BABAM2: variants seen among roughly 807,000 people sequenced by gnomAD.
BABAM2 encodes BRISC and BRCA1-A complex member 2.
BABAM2 carries 31 observed loss-of-function variants against 54.7 expected under a neutral mutation model. The observed-to-expected ratio is 0.57, with a 90% CI of 0.43 to 0.77. BABAM2 has a LOEUF of 0.77. BABAM2 is among the 30% of genes least tolerant of loss of function. The probability of loss-of-function intolerance (pLI) is 0.00; values close to 1 mark genes in which losing one functional copy is unlikely to be tolerated. For missense variants in BABAM2, 364 were observed against 455.8 expected, an observed-to-expected ratio of 0.80 and a Z score of 1.83; for synonymous variants, 167 against 162.9, an observed-to-expected ratio of 1.03 and a Z score of -0.19.
chr2:28,036,160 T>C (rs763435855), intron 5 of BABAM2, among the ~76,000 whole-genome samples: 8 of 152,152 alleles, frequency 5.3e-5, no homozygotes, highest in Non-Finnish European at 7.4e-5. Context: ...CACAGTGTTA[T>C]CGCCATGAAG....
At chr2:28,295,966 G>A (rs1208799319) in intron 10 of BABAM2, among the ~76,000 whole-genome samples, 8 of 152,196 alleles carry the variant, frequency 5.3e-5, no homozygotes, top group South Asian at 4.1e-4. Flanking sequence ...AAAATTAGCC[G>A]AACGTGGTGG....
At chr2:28,026,937 T>TAAATATATAA in intron 5 of BABAM2, among the ~76,000 whole-genome samples, 1 of 10,334 alleles carries the variant, frequency 9.7e-5, no homozygotes, top group African/African-American at 1.3e-4. Flanking sequence ...AATATATATA[T>TAAATATATAA]AAATATATAT....
intron 4 of BABAM2, among the ~76,000 whole-genome samples, chr2:27,991,743 G>A (rs969761803): frequency 2.0e-5 from 3 of 152,136 alleles, no homozygotes; most frequent in Non-Finnish European, 4.4e-5. Context: ...TGCCAAATAC[G>A]ATTACATCGT....
At position 28,298,357 on chromosome 2, in the gene BABAM2, C is replaced by T. The variant is rs554312395; in HGVS notation, c.954C>T (p.Phe318=). ...TTGCAGTTGACCTGCCTCTGTTTTTCCCTCGAGACCAGCCAACTCTCACAT... is the reference window on the plus strand; with the variant it reads ...TTGCAGTTGACCTGCCTCTGTTTTTTCCTCGAGACCAGCCAACTCTCACAT... The part of the protein sequence containing the change: ...FLVHIDLPLF[F]PRDQPTLTFQ... Residue 318 remains phenylalanine (F), a synonymous_variant, in exon 11 of 12, where the codon TTC becomes TTT. Transcript: ENST00000379624. The T allele has an allele frequency of 2.5e-6, 4 of 1,613,660 alleles. No individual in the cohort carries two copies. The highest frequency in any genetic ancestry group is 2.7e-5 in the African/African-American group (2 of 74,960).
intron 3 of BABAM2, among the ~76,000 whole-genome samples, chr2:27,986,114 G>T (rs995632370): frequency 6.6e-6 from 1 of 152,070 alleles, no homozygotes; most frequent in Non-Finnish European, 1.5e-5. Flanking sequence ...GAAAAGACAG[G>T]CTTGTAGATA....
chr2:27,899,451 T>G (rs1665601954), intron 2 of BABAM2, among the ~76,000 whole-genome samples: 1 of 151,278 alleles, frequency 6.6e-6, no homozygotes, highest in African/African-American at 2.4e-5. Context: ...GATGACAAAT[T>G]TGAAATGAAT....
chr2:28,239,247 G>T (rs1443530783), intron 8 of BABAM2, among the ~76,000 whole-genome samples: 3 of 152,162 alleles, frequency 2.0e-5, no homozygotes, highest in Admixed American at 6.5e-5. Flanking sequence ...TATATAAATA[G>T]AATTGTTTTA....
intron 7 of BABAM2, among the ~76,000 whole-genome samples, chr2:28,205,481 G>A (rs1235661751): frequency 3.9e-5 from 6 of 152,006 alleles, no homozygotes; most frequent in Non-Finnish European, 4.4e-5. Flanking sequence ...CCAGCCTGGC[G>A]ACAGAGCAAG....
At chr2:28,076,863 A>C (rs570041737) in intron 6 of BABAM2, among the ~76,000 whole-genome samples, 2 of 152,152 alleles carry the variant, frequency 1.3e-5, no homozygotes, top group Non-Finnish European at 1.5e-5. Context: ...CTTTGTATAA[A>C]GATATTTCTG....
chr2:27,899,334 C>T (rs942083472), intron 2 of BABAM2, among the ~76,000 whole-genome samples: 3 of 152,166 alleles, frequency 2.0e-5, no homozygotes, highest in African/African-American at 4.8e-5. Flanking sequence ...AAACCAGTTA[C>T]GTTTTTCAGC....
chr2:27,914,401 T>C (rs1666817449), intron 2 of BABAM2, among the ~76,000 whole-genome samples: 1 of 152,244 alleles, frequency 6.6e-6, no homozygotes, highest in Non-Finnish European at 1.5e-5. Context: ...TTCTGTAGGC[T>C]AACATGTAGC....
At chr2:28,120,965 G>A (rs987871493) in intron 6 of BABAM2, among the ~76,000 whole-genome samples, 1 of 152,176 alleles carries the variant, frequency 6.6e-6, no homozygotes, top group Non-Finnish European at 1.5e-5. Context: ...ATAAAGAGTG[G>A]CCCATTTTGT....
At chr2:28,198,360 G>A (rs917992605) in intron 7 of BABAM2, among the ~76,000 whole-genome samples, 1 of 152,048 alleles carries the variant, frequency 6.6e-6, no homozygotes. Flanking sequence ...TAGAGACGGG[G>A]TTTCACCATA....
intron 7 of BABAM2, among the ~76,000 whole-genome samples, chr2:28,167,642 C>T (rs905636472): frequency 9.9e-5 from 15 of 150,908 alleles, no homozygotes; most frequent in Admixed American, 8.0e-4. Context: ...TGCAGTGAGC[C>T]GAGATCACGC....
At chr2:27,996,942 C>T (rs532831261) in intron 4 of BABAM2, among the ~76,000 whole-genome samples, 3 of 152,246 alleles carry the variant, frequency 2.0e-5, no homozygotes, top group East Asian at 1.9e-4. Context: ...AGAGCTACTT[C>T]GTCCCACCTG....
At chr2:28,052,288 T>C (rs1678055674) in intron 6 of BABAM2, among the ~76,000 whole-genome samples, 1 of 141,032 alleles carries the variant, frequency 7.1e-6, no homozygotes. Context: ...TTTTTTTTGC[T>C]TTTTTTTTTT....
intron 5 of BABAM2, among the ~76,000 whole-genome samples, chr2:28,038,952 A>C (rs558192968): frequency 6.6e-6 from 1 of 152,336 alleles, no homozygotes; most frequent in African/African-American, 2.4e-5. Context: ...TCTATGAGAA[A>C]TCTTCAAACT....
intron 7 of BABAM2, among the ~76,000 whole-genome samples, chr2:28,215,076 T>A (rs1679811979): frequency 1.3e-5 from 2 of 152,164 alleles, no homozygotes; most frequent in East Asian, 3.9e-4. Context: ...TTTCACTGCA[T>A]TTACTTCTGC....
chr2:28,057,868 G>A (rs1005052779), intron 6 of BABAM2, among the ~76,000 whole-genome samples: 2 of 152,104 alleles, frequency 1.3e-5, no homozygotes, highest in African/African-American at 4.8e-5. Flanking sequence ...GACAGGCCAG[G>A]CACGGTGGCT....
Sources: gnomAD v4.1 joint callset for allele counts (sites outside exome capture counted in the v4.1 genomes callset) on GRCh38, gnomAD v4.1.1 for gene constraint, MANE v1.5 for transcripts, NCBI Gene and HGNC (gene_info 2026-07-23, HGNC 2026-07-21) for gene names.